Variants in EPHB1 observed in about 807,000 individuals in gnomAD.
EPHB1 encodes the protein EPH receptor B1.
Under a neutral mutation model 94.4 loss-of-function variants are expected in EPHB1, and 30 were observed. The observed-to-expected ratio is 0.32, with a 90% confidence interval of 0.24 to 0.43. The LOEUF is 0.43. Among genes scored for constraint, EPHB1 ranks in the 20% least tolerant of loss-of-function variants. The probability of loss-of-function intolerance (pLI) is 1.00; values close to 1 mark genes in which losing one functional copy is unlikely to be tolerated. For missense variants in EPHB1, 1,055 were observed against 1,308.3 expected (o/e 0.81, Z 2.99); for synonymous variants, 522 against 489.1 (o/e 1.07, Z -0.89).
intron 1 of EPHB1, among the ~76,000 whole-genome samples, chr3:134,865,655 A>T (rs531583556): frequency 1.1e-4 from 14 of 128,248 alleles, no homozygotes; most frequent in Middle Eastern, 3.8e-3. Context: ...CAGCTGTTTT[A>T]AAAAAAAAAA....
At chr3:135,200,802 G>T (rs1576464639) in intron 11 of EPHB1, among the ~76,000 whole-genome samples, 3 of 152,276 alleles carry the variant, frequency 2.0e-5, no homozygotes, top group South Asian at 2.1e-4. Flanking sequence ...TTTTGGGGGG[G>T]AGTTAAAGGG....
chr3:135,075,711 T>C (rs995399236), intron 3 of EPHB1, among the ~76,000 whole-genome samples: 1 of 152,186 alleles, frequency 6.6e-6, no homozygotes. Context: ...GAGGCTACTA[T>C]CCTGCCTCCA....
intron 1 of EPHB1, among the ~76,000 whole-genome samples, chr3:134,818,426 A>T (rs1278614224): frequency 6.6e-6 from 1 of 152,298 alleles, no homozygotes; most frequent in East Asian, 1.9e-4. Flanking sequence ...ATTTGGTTAC[A>T]TGGGTAAGTT....
chr3:134,875,171 C>T (rs2037591600), intron 1 of EPHB1, among the ~76,000 whole-genome samples: 1 of 152,176 alleles, frequency 6.6e-6, no homozygotes, highest in Admixed American at 6.5e-5. Flanking sequence ...TTGTGCACGG[C>T]AAGGAAGCCC....
intron 1 of EPHB1, among the ~76,000 whole-genome samples, chr3:134,803,054 A>G (rs528862851): frequency 6.6e-6 from 1 of 152,322 alleles, no homozygotes; most frequent in South Asian, 2.1e-4. Context: ...GCACCTGCAG[A>G]CAGCACCACT....
At chr3:135,168,964 C>T (rs572712665) in intron 9 of EPHB1, among the ~76,000 whole-genome samples, 6 of 152,252 alleles carry the variant, frequency 3.9e-5, no homozygotes, top group Admixed American at 3.9e-4. Context: ...TGGCTTCACT[C>T]CTTGGCTGGG....
intron 1 of EPHB1, among the ~76,000 whole-genome samples, chr3:134,806,061 G>A (rs2036037024): frequency 6.6e-6 from 1 of 152,168 alleles, no homozygotes; most frequent in Admixed American, 6.5e-5. Context: ...TAAATAACAA[G>A]AAGGAAAAGA....
intron 1 of EPHB1, among the ~76,000 whole-genome samples, chr3:134,807,633 T>C (rs2036092865): frequency 6.6e-6 from 1 of 152,016 alleles, no homozygotes; most frequent in Non-Finnish European, 1.5e-5. Flanking sequence ...CAGGACTGTC[T>C]CCCTGTTTTC....
intron 5 of EPHB1, among the ~76,000 whole-genome samples, chr3:135,141,855 G>C (rs549568615): frequency 6.6e-6 from 1 of 152,182 alleles, no homozygotes; most frequent in Admixed American, 6.5e-5. Context: ...CAGGACCACA[G>C]GTCCTCAGGG....
At chr3:135,078,617 G>C (rs1938032238) in intron 3 of EPHB1, among the ~76,000 whole-genome samples, 3 of 152,246 alleles carry the variant, frequency 2.0e-5, no homozygotes, top group Non-Finnish European at 4.4e-5. Context: ...GACAGAGAAA[G>C]GCATTGCCAG....
intron 6 of EPHB1, among the ~76,000 whole-genome samples, 155 bp from the exon 7 acceptor site, chr3:135,161,863 T>C (rs879608642): frequency 1.3e-5 from 2 of 152,126 alleles, no homozygotes; most frequent in Non-Finnish European, 2.9e-5. Flanking sequence ...TCAGACTTCT[T>C]GTCCCCATCC....
chr3:134,831,743 A>G (rs1302045502), intron 1 of EPHB1, among the ~76,000 whole-genome samples: 1 of 152,190 alleles, frequency 6.6e-6, no homozygotes, highest in Admixed American at 6.5e-5. Context: ...GTCCCGTTTT[A>G]TAACATTTAT....
chr3:135,236,859 TC>T (rs1319128097), intron 12 of EPHB1, among the ~76,000 whole-genome samples: 2 of 152,208 alleles, frequency 1.3e-5, no homozygotes, highest in Non-Finnish European at 2.9e-5. Flanking sequence ...CCTCTGGGCT[TC>T]TCAACAATAA....
intron 5 of EPHB1, among the ~76,000 whole-genome samples, chr3:135,151,565 C>G (rs1941194618): frequency 6.6e-6 from 1 of 152,136 alleles, no homozygotes; most frequent in African/African-American, 2.4e-5. Flanking sequence ...CTAGTCTCTG[C>G]TGAATCCCCC....
intron 3 of EPHB1, among the ~76,000 whole-genome samples, chr3:134,986,358 G>T (rs550451102): frequency 6.6e-6 from 1 of 152,322 alleles, no homozygotes; most frequent in African/African-American, 2.4e-5. Context: ...CCTGTCAAAT[G>T]CAGCGTGGCA....
At chr3:135,074,537 C>T (rs1303068891) in intron 3 of EPHB1, among the ~76,000 whole-genome samples, 1 of 152,208 alleles carries the variant, frequency 6.6e-6, no homozygotes, top group East Asian at 1.9e-4. Context: ...TTTATGGATA[C>T]ATTTATCCAT....
intron 3 of EPHB1, among the ~76,000 whole-genome samples, chr3:135,052,989 GTA>G (rs1376139592): frequency 1.5e-4 from 15 of 99,640 alleles, no homozygotes; most frequent in East Asian, 8.8e-4. Flanking sequence ...ATATGTGTGT[GTA>G]TATATATGTG....
At chr3:135,036,672 G>C (rs1476838669) in intron 3 of EPHB1, among the ~76,000 whole-genome samples, 6 of 152,176 alleles carry the variant, frequency 3.9e-5, no homozygotes, top group Non-Finnish European at 7.3e-5. Context: ...GTATAAGCAT[G>C]GGATAGGTTC....
intron 3 of EPHB1, among the ~76,000 whole-genome samples, chr3:134,966,831 A>G (rs1933767249): frequency 6.6e-6 from 1 of 152,246 alleles, no homozygotes; most frequent in Admixed American, 6.5e-5. Flanking sequence ...TACGGTGCTG[A>G]AGTGCTTGCC....
Sources: gnomAD v4.1 joint callset for allele counts (sites outside exome capture counted in the v4.1 genomes callset) on GRCh38, gnomAD v4.1.1 for gene constraint, MANE v1.5 for transcripts, NCBI Gene and HGNC (gene_info 2026-07-23, HGNC 2026-07-21) for gene names.